Variants in RSPO2 observed in about 807,000 individuals in gnomAD.
The protein encoded by RSPO2 is R-spondin-2.
RSPO2 carries 14 observed loss-of-function variants against 30.9 expected under a neutral mutation model. The ratio of observed to expected loss-of-function variants is 0.45; its 90% CI spans 0.30 to 0.71. RSPO2 has a LOEUF of 0.71. Ranked by LOEUF, RSPO2 falls within the 30% of genes least tolerant of loss-of-function variation. RSPO2 has a pLI of 0.08. For missense variants in RSPO2, 264 were observed against 301.9 expected (o/e 0.87, Z 0.93); for synonymous variants, 107 against 96.4 (o/e 1.11, Z -0.64).
intron 2 of RSPO2, chr8:107,997,093 G>T (rs2130546342): frequency 4.3e-6 from 1 of 230,770 alleles, no homozygotes; most frequent in Middle Eastern, 4.5e-4. Flanking sequence ...GAAGCTTCTT[G>T]CCCCAAACCT....
At chr8:107,992,843 T>A (rs1309169750) in intron 2 of RSPO2, among the ~76,000 whole-genome samples, 1 of 152,232 alleles carries the variant, frequency 6.6e-6, no homozygotes, top group African/African-American at 2.4e-5. Flanking sequence ...ACTATAATTC[T>A]ATAAGCAGTT....
chr8:107,961,231 GAATTTT>G (rs1437276271), intron 3 of RSPO2, among the ~76,000 whole-genome samples: 1 of 152,182 alleles, frequency 6.6e-6, no homozygotes, highest in Non-Finnish European at 1.5e-5. Context: ...AATGAGTTAA[GAATTTT>G]AATTTTTAAA....
chr8:108,010,055 TAAAAATA>T (rs1455938220), intron 2 of RSPO2, among the ~76,000 whole-genome samples: 1 of 140,816 alleles, frequency 7.1e-6, no homozygotes, highest in East Asian at 2.0e-4. Flanking sequence ...TCTCAGAAAA[TAAAAATA>T]AAAAAAAAAA....
At chr8:108,054,933 G>A (rs1812195769) in intron 2 of RSPO2, among the ~76,000 whole-genome samples, 1 of 151,988 alleles carries the variant, frequency 6.6e-6, no homozygotes, top group South Asian at 2.1e-4. Context: ...GGGCAACAAA[G>A]CAAAACCCTG....
chr8:108,000,387 C>G (rs534412787), intron 2 of RSPO2, among the ~76,000 whole-genome samples: 4 of 152,268 alleles, frequency 2.6e-5, no homozygotes, highest in Admixed American at 2.0e-4. Flanking sequence ...ACATAAGCAG[C>G]ACATGTGGCT....
rs2130744290 is a variant in RSPO2 at position 108,082,788 on chromosome 8, A to T, written c.-150T>A. On this transcript the variant is annotated 5_prime_UTR_variant, in exon 2 of 6. Transcript: ENST00000276659. Reference sequence around the variant, plus strand: ...CCGCACCGGTCAGTTCAGCGCGATCAGCATCTCTCCGCCACGAACCTGAGA... The same window carrying T: ...CCGCACCGGTCAGTTCAGCGCGATCTGCATCTCTCCGCCACGAACCTGAGA... The T allele has an allele frequency of 1.7e-6, 1 of 598,756 alleles. No individual in the cohort carries two copies. The allele number at this position is 598,756 out of a possible 1,614,324, so 37.1% of individuals were successfully genotyped here.
intron 3 of RSPO2, among the ~76,000 whole-genome samples, chr8:107,961,813 A>AT (rs1212621987): frequency 6.6e-6 from 1 of 152,172 alleles, no homozygotes; most frequent in Admixed American, 6.5e-5. Context: ...AGAAACATGT[A>AT]TTTTTCCACT....
intron 2 of RSPO2, among the ~76,000 whole-genome samples, chr8:108,021,578 C>T (rs893089766): frequency 6.6e-6 from 1 of 152,132 alleles, no homozygotes; most frequent in African/African-American, 2.4e-5. Context: ...TGTGCTAATA[C>T]CCTCCAGTGT....
At position 108,032,157 on chromosome 8, in the gene RSPO2, TA is replaced by T. The variant is rs1563571605; in HGVS notation, c.95-42914del. Among the ~76,000 whole-genome samples the T allele has an allele frequency of 5.3e-5, 8 of 152,046 alleles. No individual in the cohort carries two copies. The South Asian group carries it at 1.7e-3, about 32-fold the overall frequency. ...TGTTCTACTATAAAGTTAAGATTTTTAAAAAAGAAAAATAATAGGAAAACAA... is the reference window on the plus strand; with the variant it reads ...TGTTCTACTATAAAGTTAAGATTTTTAAAAAGAAAAATAATAGGAAAACAA... On this transcript the variant is annotated intron_variant, in intron 2 of 5. Coordinates refer to ENST00000276659, the MANE Select transcript of RSPO2 (RefSeq NM_178565.5).
At chr8:107,990,958 C>T (rs946263838) in intron 2 of RSPO2, among the ~76,000 whole-genome samples, 8 of 152,066 alleles carry the variant, frequency 5.3e-5, no homozygotes, top group South Asian at 4.1e-4. Flanking sequence ...GGGCTGGGTG[C>T]GGTGGCTCAC....
At chr8:108,060,837 CAAAAG>C (rs1812432405) in intron 2 of RSPO2, among the ~76,000 whole-genome samples, 1 of 151,800 alleles carries the variant, frequency 6.6e-6, no homozygotes, top group Non-Finnish European at 1.5e-5. Context: ...GCAGATCTCT[CAAAAG>C]AACCTCTACA....
intron 2 of RSPO2, among the ~76,000 whole-genome samples, chr8:108,014,450 C>T (rs1024012916): frequency 2.6e-5 from 4 of 152,094 alleles, no homozygotes; most frequent in African/African-American, 7.2e-5. Context: ...AACCTAAATG[C>T]CCATCAATGA....
intron 2 of RSPO2, among the ~76,000 whole-genome samples, chr8:108,013,558 C>T (rs984044227): frequency 2.0e-5 from 3 of 152,202 alleles, no homozygotes; most frequent in Non-Finnish European, 2.9e-5. Flanking sequence ...ACATCTACAA[C>T]AATCTGATCT....
intron 5 of RSPO2, among the ~76,000 whole-genome samples, chr8:107,925,784 T>C (rs1812348884): frequency 1.3e-5 from 2 of 152,218 alleles, no homozygotes; most frequent in Admixed American, 1.3e-4. Context: ...TGTGCCACAT[T>C]TTCTTAATCC....
chr8:108,082,760 G>A lies in RSPO2; in HGVS notation c.-122C>T, dbSNP rs1044182964. The A allele has an allele frequency of 4.2e-6, 3 of 720,354 alleles. No individual in the cohort carries two copies. The highest frequency in any genetic ancestry group is 7.1e-6 in the Non-Finnish European group (3 of 423,996). 44.6% of individuals were successfully genotyped at this position (720,354 alleles called of 1,614,324 possible). A position where few individuals can be genotyped will look rare whatever the true frequency, so the allele number is the denominator to read the frequency against. ...AGAGGGAGACTCGCCACTCACCCCC[G>A]GGCCGCACCGGTCAGTTCAGCGCGA... On this transcript the variant is annotated 5_prime_UTR_variant, in exon 2 of 6. Coordinates refer to ENST00000276659, the MANE Select transcript of RSPO2 (RefSeq NM_178565.5).
intron 2 of RSPO2, among the ~76,000 whole-genome samples, chr8:108,001,638 C>T (rs1392938986): frequency 5.3e-5 from 8 of 151,980 alleles, no homozygotes; most frequent in Non-Finnish European, 1.2e-4. Context: ...AGAAGTAAAA[C>T]ATAGGATGGT....
intron 2 of RSPO2, among the ~76,000 whole-genome samples, chr8:108,055,828 A>G (rs1354183095): frequency 2.6e-5 from 4 of 152,178 alleles, no homozygotes; most frequent in African/African-American, 4.8e-5. Context: ...AATATGCCCA[A>G]CATCTCCCAC....
chr8:108,022,944 ACC>A (rs1811100834), intron 2 of RSPO2, among the ~76,000 whole-genome samples: 8 of 144,500 alleles, frequency 5.5e-5, no homozygotes, highest in African/African-American at 1.6e-4. Flanking sequence ...AAAAAAAAAA[ACC>A]ACACACACAC....
rs538311348 is a variant in RSPO2, at chr8:107,959,248, T to C, written c.428-980A>G. Among the ~76,000 whole-genome samples the C allele has an allele frequency of 3.9e-5, 6 of 152,314 alleles. No homozygotes were observed. The East Asian group carries it at 9.6e-4, about 24-fold the overall frequency. On this transcript the variant is annotated intron_variant, in intron 4 of 5. Coordinates refer to ENST00000276659, the MANE Select transcript of RSPO2 (RefSeq NM_178565.5). ...ACAGTTCTTATTCCCCACATTGGCG[T>C]TGTACATTACTACAGTTTGAAAAGT...
Sources: gnomAD v4.1 joint callset for allele counts (sites outside exome capture counted in the v4.1 genomes callset) on GRCh38, gnomAD v4.1.1 for gene constraint, MANE v1.5 for transcripts, NCBI Gene and HGNC (gene_info 2026-07-23, HGNC 2026-07-21) for gene names.